Variants in BAZ2B observed in about 807,000 individuals in gnomAD.
BAZ2B encodes bromodomain adjacent to zinc finger domain 2B, also known as bromodomain adjacent to zinc finger domain protein 2B.
Under a neutral mutation model 246.0 loss-of-function variants are expected in BAZ2B, and 91 were observed. That is an observed-to-expected ratio of 0.37 (90% CI 0.31 to 0.44). The LOEUF (loss-of-function observed/expected upper bound fraction) is 0.44, where lower values mean the gene tolerates loss of function less well. BAZ2B is among the 20% of genes least tolerant of loss of function. The pLI is 1.00. For missense variants in BAZ2B, 2,332 were observed against 2,533.7 expected (o/e 0.92, Z 1.71); for synonymous variants, 855 against 860.0 (o/e 0.99, Z 0.10).
chr2:159,412,903 A>C (rs2067052743), intron 13 of BAZ2B, among the ~76,000 whole-genome samples: 1 of 152,240 alleles, frequency 6.6e-6, no homozygotes. Context: ...GATTGCTCTT[A>C]TGGGTTATCA....
rs147257727 is a variant in BAZ2B at position 159,556,617 on chromosome 2, C to T, written c.-45-752G>A. Among the ~76,000 whole-genome samples the T allele has an allele frequency of 4.6e-3, 677 of 147,986 alleles. 10 individuals are homozygous for T. Among genetic ancestry groups the T allele is most frequent in the South Asian group, 0.016 (79 of 4,820 alleles). ...ATGGGACTACAAGTGTGCACCACCA[C>T]ACCCAGCTAACTTTTTGTATTTTTT... On this transcript the variant is annotated intron_variant, in intron 1 of 36. Transcript: ENST00000392783.
chr2:159,670,263 G>A, the BAZ2B span, among the ~76,000 whole-genome samples: 21 of 152,152 alleles, frequency 1.4e-4, no homozygotes, highest in Admixed American at 3.9e-4. Context: ...GAGCTACCAC[G>A]CCCAGCCTCT....
intron 1 of BAZ2B, among the ~76,000 whole-genome samples, chr2:159,610,421 T>G (rs1474493065): frequency 1.3e-5 from 2 of 152,186 alleles, no homozygotes; most frequent in African/African-American, 4.8e-5. Context: ...TGACTGCCAA[T>G]TTGATGAACC....
intron 1 of BAZ2B, among the ~76,000 whole-genome samples, chr2:159,591,559 A>G (rs1439313105): frequency 6.6e-6 from 1 of 152,252 alleles, no homozygotes; most frequent in Non-Finnish European, 1.5e-5. Flanking sequence ...AAATATAAAA[A>G]GAAGGAAATT....
At chr2:159,556,026 G>A (rs1298120343) in intron 1 of BAZ2B, among the ~76,000 whole-genome samples, 161 bp from the exon 2 acceptor site, 1 of 152,156 alleles carries the variant, frequency 6.6e-6, no homozygotes, top group East Asian at 1.9e-4. Flanking sequence ...ACAAAAATAA[G>A]CATAAAAGGA....
intron 1 of BAZ2B, among the ~76,000 whole-genome samples, chr2:159,593,892 T>C (rs989478597): frequency 1.3e-5 from 2 of 152,188 alleles, no homozygotes; most frequent in African/African-American, 4.8e-5. Flanking sequence ...CATTCTCCTA[T>C]CCAAGTACTA....
chr2:159,698,624 A>G, the BAZ2B span, among the ~76,000 whole-genome samples: 1 of 151,888 alleles, frequency 6.6e-6, no homozygotes, highest in African/African-American at 2.4e-5. Flanking sequence ...TCCTCAATAT[A>G]AAAATATTTT....
Position 159,610,476 on chromosome 2 carries a change from A to ACCG in BAZ2B, c.-46+5765_-46+5766insCGG, listed in dbSNP as rs1310444592. Among the ~76,000 whole-genome samples, 3 of 152,338 alleles carry ACCG rather than the reference A, an allele frequency of 2.0e-5. No individual in the cohort carries two copies. The East Asian group carries it at 5.8e-4, about 29-fold the overall frequency. On this transcript the variant is annotated intron_variant, in intron 1 of 36. Transcript: ENST00000392783. ...TGCACCGTCTTTGATTAATGAGTGC[A>ACCG]TGTTTGTGGAAAAGTGTTAAGAGGA... is the stretch of plus-strand genomic sequence containing the variant.
chr2:159,501,128 A>T (rs1383854623), intron 2 of BAZ2B, among the ~76,000 whole-genome samples: 2 of 42,928 alleles, frequency 4.7e-5, no homozygotes, highest in African/African-American at 1.3e-4. Flanking sequence ...TATATAATAT[A>T]TATATATATT....
At chr2:159,572,606 TTTA>T (rs1255251237) in intron 1 of BAZ2B, among the ~76,000 whole-genome samples, 5 of 152,280 alleles carry the variant, frequency 3.3e-5, no homozygotes, top group East Asian at 1.9e-4. Context: ...ACTCATATAT[TTTA>T]TTATTATTAT....
At chr2:159,453,211 C>T (rs1046012303) in intron 4 of BAZ2B, among the ~76,000 whole-genome samples, 16 of 152,092 alleles carry the variant, frequency 1.1e-4, no homozygotes, top group Admixed American at 1.3e-4. Context: ...TGTAAAAATA[C>T]TCATAAAACC....
At chr2:159,652,092 C>T in the BAZ2B span, among the ~76,000 whole-genome samples, 1 of 152,030 alleles carries the variant, frequency 6.6e-6, no homozygotes, top group African/African-American at 2.4e-5. Flanking sequence ...CATATAATAA[C>T]TATAATTTTC....
At chr2:159,598,863 T>C (rs1478070290) in intron 1 of BAZ2B, among the ~76,000 whole-genome samples, 1 of 151,922 alleles carries the variant, frequency 6.6e-6, no homozygotes, top group African/African-American at 2.4e-5. Flanking sequence ...AATAAGTAAA[T>C]AAATAAATAA....
intron 25 of BAZ2B, among the ~76,000 whole-genome samples, chr2:159,377,687 C>A (rs1181981797): frequency 6.6e-6 from 1 of 151,848 alleles, no homozygotes; most frequent in African/African-American, 2.4e-5. Context: ...GTGGCAGGCA[C>A]CTGTAATCCC....
chr2:159,330,025 CTGT>C (rs1170377550), intron 34 of BAZ2B, among the ~76,000 whole-genome samples: 8 of 152,254 alleles, frequency 5.3e-5, no homozygotes, highest in Admixed American at 2.6e-4. Context: ...GTGAAGACTG[CTGT>C]TAAGTTATAT....
chr2:159,364,712 A>G (rs1316884444), intron 27 of BAZ2B, among the ~76,000 whole-genome samples: 1 of 152,120 alleles, frequency 6.6e-6, no homozygotes, highest in Non-Finnish European at 1.5e-5. Flanking sequence ...TAGCTTCTAT[A>G]ACTGTTGGCC....
In BAZ2B at chr2:159,616,371, G is replaced by A. The variant is rs1388678639; in HGVS notation, c.-175C>T. The A allele has an allele frequency of 6.6e-6, 1 of 152,212 alleles. No homozygotes were observed. Among genetic ancestry groups the A allele is most frequent in the African/African-American group, 2.4e-5 (1 of 41,444 alleles). The allele number at this position is 152,212 out of a possible 1,614,324, so 9.4% of individuals were successfully genotyped here. On this transcript the variant is annotated 5_prime_UTR_variant, in exon 1 of 37. Transcript: ENST00000392783. ...ATTATTTCTGCAAGAAAAGTATAAA[G>A]AGAGTTGTAGTGGAGGTGAGATTTG...
intron 25 of BAZ2B, among the ~76,000 whole-genome samples, chr2:159,378,685 G>C (rs2061667315): frequency 6.6e-6 from 1 of 152,134 alleles, no homozygotes; most frequent in Admixed American, 6.5e-5. Context: ...TGGCCAACAG[G>C]TATGTGAAAA....
intron 35 of BAZ2B, among the ~76,000 whole-genome samples, chr2:159,325,280 G>A (rs528688502): frequency 8.7e-5 from 13 of 148,802 alleles, no homozygotes; most frequent in Non-Finnish European, 1.8e-4. Context: ...ATGGGTGCAC[G>A]CCACTATACC....
Sources: allele counts gnomAD v4.1 joint callset (sites outside exome capture counted in the v4.1 genomes callset), GRCh38; gene constraint gnomAD v4.1.1; transcripts MANE v1.5; gene names NCBI Gene and HGNC (gene_info 2026-07-23, HGNC 2026-07-21).